The following PDE4D variants were observed in gnomAD, a reference collection of about 807,000 sequenced individuals.
PDE4D encodes the protein 3',5'-cyclic-AMP phosphodiesterase 4D.
PDE4D carries 24 observed loss-of-function variants against 87.4 expected under a neutral mutation model. The ratio of observed to expected loss-of-function variants is 0.27; its 90% CI spans 0.20 to 0.39. The LOEUF (loss-of-function observed/expected upper bound fraction) is 0.39, where lower values mean the gene tolerates loss of function less well. Ranked by LOEUF, PDE4D falls within the 10% of genes least tolerant of loss-of-function variation. The pLI, the probability that PDE4D is intolerant of heterozygous loss-of-function variation, is 1.00. For synonymous variants in PDE4D, 384 were observed against 383.2 expected (o/e 1.00, Z -0.02); for missense variants, 714 against 1,041.0 (o/e 0.69, Z 4.32).
At chr5:59,822,583 T>C (rs1333450606) in intron 1 of PDE4D, among the ~76,000 whole-genome samples, 1 of 152,064 alleles carries the variant, frequency 6.6e-6, no homozygotes. Flanking sequence ...TATTTAATAC[T>C]TGTTCAAATG....
chr5:60,315,682 T>C (rs998450194), intron 1 of PDE4D, among the ~76,000 whole-genome samples: 28 of 152,204 alleles, frequency 1.8e-4, no homozygotes, highest in Admixed American at 2.6e-4. Flanking sequence ...AAGGAAGGGA[T>C]CCAGTTTCAG....
chr5:59,475,769 T>G (rs943285295), intron 1 of PDE4D, among the ~76,000 whole-genome samples: 10 of 152,190 alleles, frequency 6.6e-5, no homozygotes, highest in Non-Finnish European at 1.5e-4. Flanking sequence ...GGGCTCAGGC[T>G]TGTTGACTGC....
intron 1 of PDE4D, among the ~76,000 whole-genome samples, chr5:59,696,863 TA>T (rs1751857510): frequency 6.6e-6 from 1 of 152,094 alleles, no homozygotes; most frequent in Admixed American, 6.6e-5. Context: ...CAACAGAAAG[TA>T]TCTGTTGAAG....
At chr5:59,394,857 C>T (rs1789018469) in intron 1 of PDE4D, among the ~76,000 whole-genome samples, 1 of 152,078 alleles carries the variant, frequency 6.6e-6, no homozygotes, top group South Asian at 2.1e-4. Flanking sequence ...ACAGTAGGCG[C>T]AGGTCAGTGG....
At chr5:59,344,507 T>C (rs1175890160) in intron 1 of PDE4D, among the ~76,000 whole-genome samples, 1 of 152,064 alleles carries the variant, frequency 6.6e-6, no homozygotes, top group African/African-American at 2.4e-5. Flanking sequence ...GCTCAAGCAA[T>C]CCTCCCTCAG....
intron 1 of PDE4D, among the ~76,000 whole-genome samples, chr5:59,683,551 G>A (rs57402847): frequency 0.085 from 12,987 of 151,932 alleles, 1,723 homozygotes; most frequent in African/African-American, 0.29. Context: ...TACATATTTC[G>A]AGGACAACTA....
chr5:59,237,733 C>T (rs1236043802), intron 1 of PDE4D, among the ~76,000 whole-genome samples: 1 of 150,712 alleles, frequency 6.6e-6, no homozygotes, highest in Non-Finnish European at 1.5e-5. Context: ...TCTGTCTGAG[C>T]TTCCCTTTCC....
intron 1 of PDE4D, among the ~76,000 whole-genome samples, chr5:59,394,712 T>C (rs58174163): frequency 1.3e-5 from 2 of 152,240 alleles, no homozygotes; most frequent in African/African-American, 4.8e-5. Flanking sequence ...TTTATGAATC[T>C]TTACAACAGG....
At chr5:59,092,440 TCTTA>T (rs1218155627) in intron 5 of PDE4D, among the ~76,000 whole-genome samples, 1 of 152,196 alleles carries the variant, frequency 6.6e-6, no homozygotes, top group Non-Finnish European at 1.5e-5. Flanking sequence ...AAGAAGTTTC[TCTTA>T]CTAATTTGCA....
chr5:59,886,687 C>T (rs563244636), intron 1 of PDE4D, among the ~76,000 whole-genome samples: 4 of 152,000 alleles, frequency 2.6e-5, no homozygotes, highest in Admixed American at 2.0e-4. Context: ...GAAGAAGCAG[C>T]CTCAGCAAGA....
At chr5:59,716,049 G>A (rs1754971686) in intron 1 of PDE4D, among the ~76,000 whole-genome samples, 1 of 152,194 alleles carries the variant, frequency 6.6e-6, no homozygotes, top group Non-Finnish European at 1.5e-5. Flanking sequence ...GTGTGTCCAA[G>A]GCCTGTGTCT....
At chr5:59,862,583 G>C (rs531117717) in intron 1 of PDE4D, among the ~76,000 whole-genome samples, 1 of 152,110 alleles carries the variant, frequency 6.6e-6, no homozygotes, top group Non-Finnish European at 1.5e-5. Flanking sequence ...CAATCTCCAC[G>C]TCTGTAAAAT....
chr5:60,307,700 A>C (rs1333640759), intron 1 of PDE4D, among the ~76,000 whole-genome samples: 1 of 152,070 alleles, frequency 6.6e-6, no homozygotes, highest in Non-Finnish European at 1.5e-5. Flanking sequence ...TAGATTAGCA[A>C]AGGAAATATT....
At chr5:60,446,300 T>A (rs1745637274) in intron 1 of PDE4D, among the ~76,000 whole-genome samples, 1 of 152,146 alleles carries the variant, frequency 6.6e-6, no homozygotes, top group South Asian at 2.1e-4. Context: ...CCTAAGGAAA[T>A]AATCCTGATT....
intron 1 of PDE4D, among the ~76,000 whole-genome samples, chr5:59,733,402 C>G (rs140519959): frequency 7.3e-4 from 111 of 152,214 alleles, no homozygotes; most frequent in African/African-American, 2.6e-3. Flanking sequence ...AGAAGTCAGT[C>G]ATGGAGACAG....
intron 1 of PDE4D, among the ~76,000 whole-genome samples, chr5:59,354,720 C>G (rs765280784): frequency 1.3e-5 from 2 of 152,184 alleles, no homozygotes; most frequent in Non-Finnish European, 2.9e-5. Context: ...CCACTCAATT[C>G]AACTTATGAT....
intron 2 of PDE4D, among the ~76,000 whole-genome samples, chr5:59,195,890 C>G (rs1263845526): frequency 1.3e-5 from 2 of 152,082 alleles, no homozygotes; most frequent in African/African-American, 4.8e-5. Context: ...ACTCAGAAAA[C>G]TGATACTTCG....
intron 1 of PDE4D, among the ~76,000 whole-genome samples, chr5:60,314,075 T>G (rs1011445811): frequency 2.0e-5 from 3 of 151,650 alleles, no homozygotes; most frequent in African/African-American, 4.9e-5. Flanking sequence ...AACACAATAC[T>G]CGAACTCCTA....
rs1463752414 is a variant in PDE4D at position 60,093,012 on chromosome 5, C to A, written c.42+92545G>T. Among the ~76,000 whole-genome samples the A allele has an allele frequency of 3.9e-5, 6 of 152,264 alleles. No homozygotes were observed. The South Asian group carries it at 8.3e-4, about 21-fold the overall frequency. Reference sequence around the variant, plus strand: ...CACACCAAAACTTGCAGAATCAAACCAACAGCTTACAAGTGGTTACATATC... The same window carrying A: ...CACACCAAAACTTGCAGAATCAAACAAACAGCTTACAAGTGGTTACATATC... On this transcript the variant is annotated intron_variant, in intron 2 of 16. Coordinates refer to the PDE4D transcript ENST00000502484.
Sources: gnomAD v4.1 joint callset for allele counts (sites outside exome capture counted in the v4.1 genomes callset) on GRCh38, gnomAD v4.1.1 for gene constraint, MANE v1.5 for transcripts, NCBI Gene and HGNC (gene_info 2026-07-23, HGNC 2026-07-21) for gene names.